USP42: variants seen among roughly 807,000 people sequenced by gnomAD.
The protein encoded by USP42 is ubiquitin carboxyl-terminal hydrolase 42.
A neutral mutation model predicts 113.0 loss-of-function variants in USP42; 23 were observed. The ratio of observed to expected loss-of-function variants is 0.20; its 90% CI spans 0.15 to 0.29. The LOEUF (loss-of-function observed/expected upper bound fraction) is 0.29, where lower values mean the gene tolerates loss of function less well. Among genes scored for constraint, USP42 ranks in the 10% least tolerant of loss-of-function variants. The pLI is 1.00. For synonymous variants in USP42, 933 were observed against 699.0 expected (o/e 1.33, Z -5.28); for missense variants, 2,174 against 1,779.8 (o/e 1.22, Z -3.99).
intron 3 of USP42, among the ~76,000 whole-genome samples, chr7:6,121,843 T>G (rs1780242542): frequency 6.6e-6 from 1 of 152,162 alleles, no homozygotes; most frequent in Non-Finnish European, 1.5e-5. Context: ...ATTATTTTTG[T>G]AGAGACGAGG....
At chr7:6,112,282 C>T (rs558413754) in intron 2 of USP42, among the ~76,000 whole-genome samples, 137 of 152,108 alleles carry the variant, frequency 9.0e-4, no homozygotes, top group Non-Finnish European at 1.8e-3. Context: ...AACCCCATCT[C>T]CACTAAAAAT....
At chr7:6,121,149 GT>G (rs955248438) in intron 3 of USP42, among the ~76,000 whole-genome samples, 34 of 151,302 alleles carry the variant, frequency 2.2e-4, no homozygotes, top group African/African-American at 7.3e-4. Context: ...TTTTCTTGCT[GT>G]TTTTTTCTAG....
intron 3 of USP42, among the ~76,000 whole-genome samples, chr7:6,125,664 TC>T (rs1474075941): frequency 1.3e-5 from 2 of 152,164 alleles, no homozygotes; most frequent in Non-Finnish European, 2.9e-5. Flanking sequence ...TTTTAAGAAA[TC>T]ATTTCTGTTT....
In USP42 at chr7:6,130,204, T is replaced by A. The variant is rs112443886; in HGVS notation, c.443-5637T>A. ...CACTGAGTCTTATCTAACCTTTGTTTTAGCCAACTTGCTCTGACACTGCTC... is the reference window on the plus strand; with the variant it reads ...CACTGAGTCTTATCTAACCTTTGTTATAGCCAACTTGCTCTGACACTGCTC... On this transcript the variant is annotated intron_variant, in intron 3 of 17. Coordinates refer to ENST00000306177, the MANE Select transcript of USP42 (RefSeq NM_032172.3). 4.6e-3 allele frequency among the ~76,000 whole-genome samples: 696 copies of A among 152,340 alleles called. 8 individuals are homozygous for A. The highest frequency in any genetic ancestry group is 0.016 in the African/African-American group (663 of 41,582).
chr7:6,154,864 G>C lies in USP42; in HGVS notation c.3310G>C (p.Glu1104Gln). The change falls in exon 15 of 18, where the codon GAG (glutamate) becomes CAG (glutamine). Residue 1104 changes from glutamate to glutamine, a missense_variant. Coordinates refer to ENST00000306177, the MANE Select transcript of USP42 (RefSeq NM_032172.3). Reference sequence around the variant, plus strand: ...CCACAACCGGGGCCGTAGGGGCTGCGAGCCGGCCCGGGAGAGGGAGCGGCA... The same window carrying C: ...CCACAACCGGGGCCGTAGGGGCTGCCAGCCGGCCCGGGAGAGGGAGCGGCA... ...KDHNRGRRGC[E>Q]PARERERHRP... 2 of 1,526,766 alleles carry C rather than the reference G, an allele frequency of 1.3e-6. No individual in the cohort carries two copies. The highest frequency in any genetic ancestry group is 1.2e-5 in the South Asian group (1 of 81,834). The allele number at this position is 1,526,766 out of a possible 1,614,324, so 94.6% of individuals were successfully genotyped here.
At chr7:6,084,519 T>C in the USP42 span, 4 of 151,272 alleles carry the variant, frequency 2.6e-5, no homozygotes, top group Non-Finnish European at 4.4e-5. Context: ...TGTCCAGCCT[T>C]GCCCCAGGAT....
intron 3 of USP42, among the ~76,000 whole-genome samples, chr7:6,130,192 C>G (rs1780775599): frequency 6.6e-6 from 1 of 152,208 alleles, no homozygotes; most frequent in Non-Finnish European, 1.5e-5. Context: ...TGAGTCTTAT[C>G]TAACCTTTGT....
intron 6 of USP42, 64 bp downstream of exon 6, chr7:6,140,259 GGACAGGGTTAGTCCTACTA>G (rs1781365104): frequency 6.9e-7 from 1 of 1,450,786 alleles, no homozygotes; most frequent in Non-Finnish European, 9.7e-7. Context: ...GGTAATAGTA[GGACAGGGTTAGTCCTACTA>G]GGAAGGAAGG....
intron 3 of USP42, among the ~76,000 whole-genome samples, chr7:6,130,287 T>C (rs1780781263): frequency 6.6e-6 from 1 of 152,240 alleles, no homozygotes; most frequent in Admixed American, 6.5e-5. Flanking sequence ...TCAGCCTCCG[T>C]TGGCACCCCA....
chr7:6,092,039 TTC>T, the USP42 span, among the ~76,000 whole-genome samples: 635 of 101,504 alleles, frequency 6.3e-3, no homozygotes, highest in Admixed American at 0.012. Context: ...CTTCTTCTTC[TTC>T]TTCTTCTTCT....
chr7:6,135,193 C>G (rs1159699515), intron 3 of USP42, among the ~76,000 whole-genome samples: 1 of 152,102 alleles, frequency 6.6e-6, no homozygotes, highest in Non-Finnish European at 1.5e-5. Flanking sequence ...TAGAGAGTAG[C>G]TAGGAGCACT....
rs1583704322 is a variant in USP42 at position 6,158,539 on chromosome 7, C to G, written c.3944-911C>G. On this transcript the variant is annotated intron_variant, in intron 16 of 17. Transcript: ENST00000306177. The surrounding 1 kb of genome is among the most constrained non-coding windows in gnomAD (Gnocchi z 4.2). ...ATTGTTGATTGAGGGGTAAACGGTC[C>G]TTAGAGTGTGTGAGAGAGAGCTGGG... is the stretch of plus-strand genomic sequence containing the variant. 6.6e-6 allele frequency among the ~76,000 whole-genome samples: 1 copy of G among 152,144 alleles called. No homozygotes were observed. Among genetic ancestry groups the G allele is most frequent in the Non-Finnish European group, 1.5e-5 (1 of 68,018 alleles).
At chr7:6,110,031 A>G (rs1398931415) in intron 1 of USP42, among the ~76,000 whole-genome samples, 1 of 148,966 alleles carries the variant, frequency 6.7e-6, no homozygotes, top group African/African-American at 2.5e-5. Context: ...ACAGGGTCTC[A>G]CCATGTTGGC....
intron 3 of USP42, among the ~76,000 whole-genome samples, chr7:6,115,926 C>T (rs557130336): frequency 1.3e-5 from 2 of 151,998 alleles, no homozygotes; most frequent in South Asian, 4.2e-4. Context: ...TAGTAAGACC[C>T]CATCTCTACT....
Position 6,146,380 on chromosome 7 carries a change from C to G in USP42, c.1232+132C>G, listed in dbSNP as rs919817370. The G allele has an allele frequency of 9.1e-6, 6 of 658,786 alleles. No homozygotes were observed. In the Admixed American group the frequency reaches 2.0e-4, roughly 22 times the overall value. 40.8% of individuals were successfully genotyped at this position (658,786 alleles called of 1,614,324 possible). A position where few individuals can be genotyped will look rare whatever the true frequency, so the allele number is the denominator to read the frequency against. On this transcript the variant is annotated intron_variant, in intron 11 of 17. Coordinates refer to ENST00000306177, the MANE Select transcript of USP42 (RefSeq NM_032172.3). Reference sequence around the variant, plus strand: ...CAGCAGCTTAAAGATCAACTCTAGCCTGGGCATGGTGCCTCACGCCTATAA... The same window carrying G: ...CAGCAGCTTAAAGATCAACTCTAGCGTGGGCATGGTGCCTCACGCCTATAA...
chr7:6,093,530 G>T, the USP42 span, among the ~76,000 whole-genome samples: 4 of 150,588 alleles, frequency 2.7e-5, no homozygotes. Context: ...CGATTCTCCC[G>T]CCTCAGCCTC....
the USP42 span, among the ~76,000 whole-genome samples, chr7:6,090,966 A>G: frequency 7.9e-3 from 1,185 of 150,618 alleles, 81 homozygotes; most frequent in African/African-American, 0.028. Flanking sequence ...GTTAGGGATC[A>G]ATTTCATCAC....
upstream of USP42, chr7:6,104,755 C>T (rs1562792934): frequency 6.6e-6 from 1 of 152,210 alleles, no homozygotes; most frequent in East Asian, 1.9e-4. Flanking sequence ...TGCCTTCGCC[C>T]ACGGCTCTTG....
intron 4 of USP42, among the ~76,000 whole-genome samples, chr7:6,136,283 C>T (rs1562830605): frequency 1.3e-5 from 2 of 152,034 alleles, no homozygotes. Flanking sequence ...GGATTACAGG[C>T]GTGAGCCACC....
Sources: allele counts gnomAD v4.1 joint callset (sites outside exome capture counted in the v4.1 genomes callset), GRCh38; gene constraint gnomAD v4.1.1; non-coding constraint Gnocchi (gnomAD v3.1); transcripts MANE v1.5; gene names NCBI Gene and HGNC (gene_info 2026-07-23, HGNC 2026-07-21).